The following PCDH15 variants were observed in gnomAD, a reference collection of about 807,000 sequenced individuals.
The protein encoded by PCDH15 is protocadherin-15.
PCDH15 carries 129 observed loss-of-function variants against 178.5 expected under a neutral mutation model. The ratio of observed to expected loss-of-function variants is 0.72; its 90% CI spans 0.63 to 0.84. The LOEUF is 0.84. Ranked by LOEUF, PCDH15 falls within the 40% of genes least tolerant of loss-of-function variation. The probability of loss-of-function intolerance (pLI) is 0.00; values close to 1 mark genes in which losing one functional copy is unlikely to be tolerated. For missense variants in PCDH15, 2,230 were observed against 2,099.9 expected, an observed-to-expected ratio of 1.06 and a Z score of -1.21; for synonymous variants, 800 against 732.0, an observed-to-expected ratio of 1.09 and a Z score of -1.50.
intron 8 of PCDH15, among the ~76,000 whole-genome samples, chr10:54,293,220 G>T (rs571830110): frequency 6.6e-6 from 1 of 152,250 alleles, no homozygotes; most frequent in East Asian, 1.9e-4. Flanking sequence ...ATGGGGAAAC[G>T]ATTCCCTATT....
intron 10 of PCDH15, among the ~76,000 whole-genome samples, chr10:54,203,457 A>G (rs2050456533): frequency 1.3e-5 from 2 of 152,184 alleles, no homozygotes; most frequent in Non-Finnish European, 2.9e-5. Flanking sequence ...ATTTTTAAAT[A>G]AAGGAACCTC....
intron 2 of PCDH15, among the ~76,000 whole-genome samples, chr10:54,929,218 C>A (rs989918031): frequency 6.6e-6 from 1 of 152,136 alleles, no homozygotes; most frequent in Non-Finnish European, 1.5e-5. Flanking sequence ...AACTCCTAGA[C>A]TGTGTGCTCT....
chr10:54,279,972 A>G (rs1714529199), intron 8 of PCDH15, among the ~76,000 whole-genome samples: 1 of 151,710 alleles, frequency 6.6e-6, no homozygotes, highest in African/African-American at 2.4e-5. Context: ...TGGCAGAAAG[A>G]CATGTCCCAT....
chr10:54,730,310 A>G (rs1426873493), intron 1 of PCDH15, among the ~76,000 whole-genome samples: 1 of 151,662 alleles, frequency 6.6e-6, no homozygotes, highest in Non-Finnish European at 1.5e-5. Context: ...AGAAAACCAA[A>G]TGCCATATAT....
At chr10:54,887,554 A>C (rs528443853) in intron 3 of PCDH15, among the ~76,000 whole-genome samples, 1 of 152,130 alleles carries the variant, frequency 6.6e-6, no homozygotes, top group Non-Finnish European at 1.5e-5. Context: ...GAAAATCATA[A>C]AAATATAAAA....
chr10:54,924,159 G>A lies in PCDH15; in HGVS notation c.-79-26659C>T, dbSNP rs141800880. 2.2e-5 allele frequency among the ~76,000 whole-genome samples: 3 copies of A among 137,160 alleles called. 1 individual carries two copies. Among genetic ancestry groups the A allele is most frequent in the Non-Finnish European group, 3.4e-5 (2 of 58,968 alleles). 90.0% of individuals were successfully genotyped at this position (137,160 alleles called of 152,430 possible). On this transcript the variant is annotated intron_variant, in intron 2 of 5. Coordinates refer to the PCDH15 transcript ENST00000458638. Reference sequence around the variant, plus strand: ...GTTCTCACATGGTGAAGCAGGAAGTGGGGGGGAAGTACTACACACTTTCAA... The same window carrying A: ...GTTCTCACATGGTGAAGCAGGAAGTAGGGGGGAAGTACTACACACTTTCAA...
chr10:54,394,060 G>C (rs76024564), intron 3 of PCDH15, among the ~76,000 whole-genome samples: 13,853 of 151,812 alleles, frequency 0.091, 2,094 homozygotes, highest in African/African-American at 0.31. Flanking sequence ...AAGAAAGAGA[G>C]ATGAAGAAAG....
At chr10:54,814,025 A>T (rs1480938525) in intron 3 of PCDH15, among the ~76,000 whole-genome samples, 1 of 152,200 alleles carries the variant, frequency 6.6e-6, no homozygotes, top group Non-Finnish European at 1.5e-5. Context: ...GAAAAAAATG[A>T]TTTTAATTCC....
chr10:54,865,880 GAAT>G (rs1953930715), intron 3 of PCDH15, among the ~76,000 whole-genome samples: 1 of 152,192 alleles, frequency 6.6e-6, no homozygotes, highest in African/African-American at 2.4e-5. Flanking sequence ...AATCAATTAG[GAAT>G]AATCTCATGT....
chr10:55,242,751 T>G (rs1219578277), intron 1 of PCDH15, among the ~76,000 whole-genome samples: 3 of 152,064 alleles, frequency 2.0e-5, no homozygotes, highest in African/African-American at 7.2e-5. Flanking sequence ...CCCTGGGGGT[T>G]GAGGTGGGCG....
intron 3 of PCDH15, among the ~76,000 whole-genome samples, chr10:54,882,959 T>C (rs1954289979): frequency 6.6e-6 from 1 of 152,016 alleles, no homozygotes; most frequent in African/African-American, 2.4e-5. Flanking sequence ...ATATAGTACA[T>C]GCTAAGTTGA....
At chr10:54,495,227 G>C (rs763474293) in intron 3 of PCDH15, among the ~76,000 whole-genome samples, 3 of 152,036 alleles carry the variant, frequency 2.0e-5, no homozygotes, top group Non-Finnish European at 2.9e-5. Context: ...ATGATTTTAT[G>C]TTAATAACTC....
rs190001674 is a variant in PCDH15 at position 54,228,289 on chromosome 10, C to T, written c.985+8534G>A. ...GAAGGCAAGGAGGAGCAACCCACAT[C>T]TTACATGGATGGCAGCAGGCAAAGA... On this transcript the variant is annotated intron_variant, in intron 9 of 37. Transcript: ENST00000644397. Among the ~76,000 whole-genome samples the T allele has an allele frequency of 4.6e-5, 7 of 152,258 alleles. No individual in the cohort carries two copies. In the East Asian group the frequency reaches 1.4e-3, roughly 29 times the overall value.
chr10:55,324,905 G>C (rs1565010027), intron 2 of PCDH15, among the ~76,000 whole-genome samples: 1 of 151,992 alleles, frequency 6.6e-6, no homozygotes, highest in Non-Finnish European at 1.5e-5. Context: ...GCAAAAATTA[G>C]CAGCATTTCT....
At chr10:54,844,203 C>T (rs1953465809) in intron 3 of PCDH15, among the ~76,000 whole-genome samples, 1 of 151,926 alleles carries the variant, frequency 6.6e-6, no homozygotes, top group Admixed American at 6.6e-5. Context: ...CCTTGGAAAG[C>T]TACAGTAATA....
chr10:54,499,511 A>G (rs2137366883), intron 3 of PCDH15, among the ~76,000 whole-genome samples: 1 of 152,294 alleles, frequency 6.6e-6, no homozygotes, highest in South Asian at 2.1e-4. Flanking sequence ...AATCAATACC[A>G]AGAACATCTC....
chr10:54,423,911 C>G (rs1955881985), intron 3 of PCDH15, among the ~76,000 whole-genome samples: 1 of 151,772 alleles, frequency 6.6e-6, no homozygotes, highest in South Asian at 2.1e-4. Context: ...CATAAAAACC[C>G]TAGAAGAAAA....
intron 1 of PCDH15, among the ~76,000 whole-genome samples, chr10:54,718,236 A>G (rs1321845300): frequency 6.6e-6 from 1 of 150,570 alleles, no homozygotes; most frequent in Non-Finnish European, 1.5e-5. Context: ...CATTGTGCAC[A>G]TGTACCCTAA....
chr10:54,830,632 C>A (rs1221151664), intron 3 of PCDH15, among the ~76,000 whole-genome samples: 1 of 151,528 alleles, frequency 6.6e-6, no homozygotes, highest in East Asian at 1.9e-4. Flanking sequence ...ATACCTAATG[C>A]TAAATGACGA....
Sources: allele counts gnomAD v4.1 joint callset (sites outside exome capture counted in the v4.1 genomes callset), GRCh38; gene constraint gnomAD v4.1.1; transcripts MANE v1.5; gene names NCBI Gene and HGNC (gene_info 2026-07-23, HGNC 2026-07-21).